HDAC9: variants seen among roughly 807,000 people sequenced by gnomAD.
The protein encoded by HDAC9 is MEF-2 interacting transcription repressor (MITR) protein.
In HDAC9, 41 loss-of-function variants were observed where a neutral mutation model predicts 139.4. The ratio of observed to expected loss-of-function variants is 0.29; its 90% CI spans 0.23 to 0.38. The LOEUF (loss-of-function observed/expected upper bound fraction) is 0.38. HDAC9 is among the 10% of genes least tolerant of loss of function. The pLI is 1.00. For synonymous variants in HDAC9, 517 were observed against 476.2 expected, an observed-to-expected ratio of 1.09 and a Z score of -1.12; for missense variants, 1,147 against 1,297.0, an observed-to-expected ratio of 0.88 and a Z score of 1.78.
At chr7:18,241,283 G>T (rs982313274) in intron 2 of HDAC9, among the ~76,000 whole-genome samples, 3 of 152,210 alleles carry the variant, frequency 2.0e-5, no homozygotes, top group Admixed American at 2.0e-4. Flanking sequence ...AAATGAAAAT[G>T]TGATCTAATG....
At chr7:18,807,330 CT>C (rs1254915942) in intron 17 of HDAC9, among the ~76,000 whole-genome samples, 16 of 152,022 alleles carry the variant, frequency 1.1e-4, no homozygotes, top group African/African-American at 2.2e-4. Context: ...AGTCTGATAT[CT>C]TTTTTTATTA....
chr7:18,233,959 A>T (rs1410883099), intron 2 of HDAC9, among the ~76,000 whole-genome samples: 2 of 152,106 alleles, frequency 1.3e-5, no homozygotes, highest in African/African-American at 4.8e-5. Context: ...TTATATAGTC[A>T]TCTGCATCAA....
chr7:18,257,109 T>C (rs374973721), intron 2 of HDAC9, among the ~76,000 whole-genome samples: 1 of 123,860 alleles, frequency 8.1e-6, no homozygotes, highest in Non-Finnish European at 1.7e-5. Flanking sequence ...TGTGTGTGTG[T>C]GTGCATGTAT....
At chr7:18,478,392 C>G (rs1795292709) in intron 1 of HDAC9, among the ~76,000 whole-genome samples, 1 of 152,182 alleles carries the variant, frequency 6.6e-6, no homozygotes, top group African/African-American at 2.4e-5. Context: ...CTTTTAAGTG[C>G]AGTTTATGCA....
At chr7:18,548,625 A>G (rs1008646123) in intron 2 of HDAC9, among the ~76,000 whole-genome samples, 5 of 152,222 alleles carry the variant, frequency 3.3e-5, no homozygotes, top group Admixed American at 1.3e-4. Flanking sequence ...TTTGTAACAC[A>G]TTTATGACAA....
rs1039364792 is a variant in HDAC9 at position 18,629,559 on chromosome 7, T to C, written c.796+78T>C. Reference sequence around the variant, plus strand: ...AATAGTTTAGAATAAATATACCTGCTGCATATTAAAAGTTATTTTGAGAAG... The same window carrying C: ...AATAGTTTAGAATAAATATACCTGCCGCATATTAAAAGTTATTTTGAGAAG... On this transcript the variant is annotated intron_variant, in intron 7 of 25. Transcript: ENST00000686413. The C allele has an allele frequency of 3.0e-6, 4 of 1,320,752 alleles. No homozygotes were observed. In the Admixed American group the frequency reaches 1.0e-4, roughly 33 times the overall value. 81.8% of individuals were successfully genotyped at this position (1,320,752 alleles called of 1,614,324 possible).
At chr7:18,522,777 G>C (rs372900730) in intron 2 of HDAC9, among the ~76,000 whole-genome samples, 1 of 152,100 alleles carries the variant, frequency 6.6e-6, no homozygotes, top group Non-Finnish European at 1.5e-5. Context: ...TAAGTGCTAT[G>C]AATTTTCAAT....
chr7:18,952,336 A>G (rs1224365198), intron 23 of HDAC9, among the ~76,000 whole-genome samples: 1 of 151,944 alleles, frequency 6.6e-6, no homozygotes, highest in Non-Finnish European at 1.5e-5. Context: ...AGTGTGCAAG[A>G]GACCAGAAGT....
intron 1 of HDAC9, among the ~76,000 whole-genome samples, chr7:18,423,386 A>G (rs1415947858): frequency 6.6e-6 from 1 of 152,222 alleles, no homozygotes; most frequent in Non-Finnish European, 1.5e-5. Flanking sequence ...AAAAGAGCTT[A>G]GTTTCTGGTA....
At chr7:18,253,637 AT>A in intron 2 of HDAC9, among the ~76,000 whole-genome samples, 1 of 152,232 alleles carries the variant, frequency 6.6e-6, no homozygotes, top group Admixed American at 6.5e-5. Context: ...ACAATAAAGG[AT>A]TATTTCTCAC....
intron 6 of HDAC9, among the ~76,000 whole-genome samples, chr7:18,611,499 A>G (rs981650013): frequency 6.6e-6 from 1 of 152,120 alleles, no homozygotes. Context: ...CACCAGTTTT[A>G]TAGATGAGAG....
chr7:18,581,693 A>C (rs1014171758), intron 2 of HDAC9, among the ~76,000 whole-genome samples: 1 of 152,150 alleles, frequency 6.6e-6, no homozygotes, highest in African/African-American at 2.4e-5. Context: ...GAAATATATC[A>C]TTAACTGCCA....
intron 6 of HDAC9, among the ~76,000 whole-genome samples, chr7:18,604,755 A>G (rs2704282): frequency 0.61 from 91,918 of 151,822 alleles, 31,931 homozygotes; most frequent in Non-Finnish European, 0.78. Context: ...TCCCTTTTCA[A>G]TCTTTCCTAG....
At chr7:18,852,862 CTCTT>C (rs746032444) in intron 21 of HDAC9, among the ~76,000 whole-genome samples, 1 of 150,794 alleles carries the variant, frequency 6.6e-6, no homozygotes, top group Non-Finnish European at 1.5e-5. Context: ...TTTTTTCCCT[CTCTT>C]TCTTTCCAGT....
At chr7:18,708,084 G>T (rs1468489956) in intron 12 of HDAC9, among the ~76,000 whole-genome samples, 1 of 152,132 alleles carries the variant, frequency 6.6e-6, no homozygotes, top group Non-Finnish European at 1.5e-5. Context: ...GAGAGACATC[G>T]CTTCAACTGA....
At chr7:18,146,045 TGG>T (rs947072935) in intron 1 of HDAC9, among the ~76,000 whole-genome samples, 12 of 152,110 alleles carry the variant, frequency 7.9e-5, no homozygotes, top group African/African-American at 2.9e-4. Context: ...GCTGATTGGT[TGG>T]GAAAAAAAGG....
intron 22 of HDAC9, among the ~76,000 whole-genome samples, chr7:18,881,001 A>G (rs1211398914): frequency 6.6e-6 from 1 of 152,056 alleles, no homozygotes; most frequent in Non-Finnish European, 1.5e-5. Flanking sequence ...AGATACCTGT[A>G]TAAATGAATT....
chr7:18,390,041 A>T (rs1786313707), intron 1 of HDAC9, among the ~76,000 whole-genome samples: 1 of 125,494 alleles, frequency 8.0e-6, no homozygotes. Flanking sequence ...GACCCTAGAG[A>T]AAGACAACAC....
chr7:18,802,113 A>G (rs1793350714), intron 17 of HDAC9, among the ~76,000 whole-genome samples: 1 of 151,776 alleles, frequency 6.6e-6, no homozygotes, highest in African/African-American at 2.4e-5. Flanking sequence ...TTCTTAAATT[A>G]TTTAGCTCAT....
Sources: gnomAD v4.1 joint callset for allele counts (sites outside exome capture counted in the v4.1 genomes callset) on GRCh38, gnomAD v4.1.1 for gene constraint, MANE v1.5 for transcripts, NCBI Gene and HGNC (gene_info 2026-07-23, HGNC 2026-07-21) for gene names.